PITPNC1: variants seen among roughly 807,000 people sequenced by gnomAD.
The protein encoded by PITPNC1 is phosphatidylinositol transfer protein cytoplasmic 1, also known as cytoplasmic phosphatidylinositol transfer protein 1.
Under a neutral mutation model 44.7 loss-of-function variants are expected in PITPNC1, and 18 were observed. That is an observed-to-expected ratio of 0.40 (90% CI 0.28 to 0.60). The LOEUF (loss-of-function observed/expected upper bound fraction) is 0.60. PITPNC1 is among the 20% of genes least tolerant of loss of function. PITPNC1 has a pLI of 0.39. For synonymous variants in PITPNC1, 141 were observed against 149.6 expected (o/e 0.94, Z 0.42); for missense variants, 290 against 418.4 (o/e 0.69, Z 2.68).
At chr17:67,496,229 T>C (rs570734245) in intron 1 of PITPNC1, among the ~76,000 whole-genome samples, 18 of 152,328 alleles carry the variant, frequency 1.2e-4, no homozygotes, top group Non-Finnish European at 2.4e-4. Context: ...TAACGAATGC[T>C]TCCGTGATGG....
intron 1 of PITPNC1, among the ~76,000 whole-genome samples, chr17:67,498,365 G>A (rs557189002): frequency 2.6e-5 from 4 of 152,068 alleles, no homozygotes; most frequent in East Asian, 1.9e-4. Flanking sequence ...AGGCCGAGGC[G>A]GGCAGATCAT....
chr17:67,436,070 G>T (rs1460394740), intron 1 of PITPNC1, among the ~76,000 whole-genome samples: 1 of 152,084 alleles, frequency 6.6e-6, no homozygotes, highest in Non-Finnish European at 1.5e-5. Context: ...ATAGCTCACT[G>T]CAGCCTCCAA....
At chr17:67,549,845 C>T (rs2040735201) in intron 2 of PITPNC1, among the ~76,000 whole-genome samples, 1 of 152,152 alleles carries the variant, frequency 6.6e-6, no homozygotes, top group South Asian at 2.1e-4. Flanking sequence ...CAATGCCTGG[C>T]TTACGTGAGG....
At chr17:67,527,256 T>C (rs1465783921) in intron 1 of PITPNC1, among the ~76,000 whole-genome samples, 3 of 152,164 alleles carry the variant, frequency 2.0e-5, no homozygotes, top group African/African-American at 4.8e-5. Context: ...AAATAAGGGC[T>C]GAAGTTGTGT....
At chr17:67,530,055 G>C (rs1439570123) in intron 1 of PITPNC1, among the ~76,000 whole-genome samples, 2 of 150,494 alleles carry the variant, frequency 1.3e-5, no homozygotes, top group African/African-American at 2.4e-5. Context: ...TGGGGTGAGG[G>C]AAGGATCCGG....
intron 6 of PITPNC1, among the ~76,000 whole-genome samples, chr17:67,646,588 C>G (rs2042152247): frequency 1.3e-5 from 2 of 152,116 alleles, no homozygotes; most frequent in African/African-American, 4.8e-5. Flanking sequence ...AGTGATGCAA[C>G]CACGGCTCAC....
intron 6 of PITPNC1, among the ~76,000 whole-genome samples, chr17:67,657,070 G>A (rs919890454): frequency 6.6e-5 from 10 of 152,080 alleles, no homozygotes; most frequent in African/African-American, 2.4e-4. Context: ...AGGAGGAGGG[G>A]GTAGAATGTG....
At chr17:67,440,449 C>A (rs2143919379) in intron 1 of PITPNC1, among the ~76,000 whole-genome samples, 1 of 152,110 alleles carries the variant, frequency 6.6e-6, no homozygotes, top group African/African-American at 2.4e-5. Context: ...AATTACTCAA[C>A]CTCTGTAACT....
chr17:67,418,686 G>A (rs962473220), intron 1 of PITPNC1, among the ~76,000 whole-genome samples: 3 of 151,868 alleles, frequency 2.0e-5, no homozygotes, highest in Non-Finnish European at 2.9e-5. Context: ...TCAGCCTCCC[G>A]AGTAGCTGGA....
chr17:67,478,557 A>G (rs567449229), intron 1 of PITPNC1, among the ~76,000 whole-genome samples: 2 of 152,096 alleles, frequency 1.3e-5, no homozygotes, highest in South Asian at 4.2e-4. Flanking sequence ...CTCTTTTCCA[A>G]GCTCCCCTCT....
intron 5 of PITPNC1, among the ~76,000 whole-genome samples, chr17:67,614,936 G>A (rs2050709895): frequency 6.6e-6 from 1 of 151,896 alleles, no homozygotes; most frequent in Non-Finnish European, 1.5e-5. Context: ...GAAGGCAAGA[G>A]TGGCGGGTTT....
chr17:67,578,002 C>T, intron 4 of PITPNC1, 184 bp from the exon 5 acceptor site: 1 of 645,386 alleles, frequency 1.5e-6, no homozygotes, highest in Non-Finnish European at 2.8e-6. Context: ...CTGGATGAAA[C>T]TGTGTTCATT....
intron 1 of PITPNC1, among the ~76,000 whole-genome samples, chr17:67,520,505 T>C (rs2040311266): frequency 6.6e-6 from 1 of 152,222 alleles, no homozygotes; most frequent in Non-Finnish European, 1.5e-5. Context: ...CTCTGATGAA[T>C]GCATCAGTTT....
intron 1 of PITPNC1, among the ~76,000 whole-genome samples, chr17:67,488,654 C>T (rs978014412): frequency 6.6e-6 from 1 of 152,172 alleles, no homozygotes; most frequent in African/African-American, 2.4e-5. Context: ...GCATTCCTAT[C>T]GTTGTACCAG....
chr17:67,491,647 C>T (rs1001894903), intron 1 of PITPNC1, among the ~76,000 whole-genome samples: 1 of 152,082 alleles, frequency 6.6e-6, no homozygotes, highest in Non-Finnish European at 1.5e-5. Flanking sequence ...AAGACCAGCT[C>T]CAGCAACATA....
At chr17:67,406,266 C>T (rs1212788224) in intron 1 of PITPNC1, among the ~76,000 whole-genome samples, 1 of 152,140 alleles carries the variant, frequency 6.6e-6, no homozygotes, top group Non-Finnish European at 1.5e-5. Context: ...CCTCAGCCTC[C>T]TGAGTAGCTG....
At chr17:67,680,117 A>G (rs2042675107) in intron 8 of PITPNC1, among the ~76,000 whole-genome samples, 1 of 152,176 alleles carries the variant, frequency 6.6e-6, no homozygotes, top group African/African-American at 2.4e-5. Flanking sequence ...TGGAGAAAGA[A>G]GCCTGCTAGG....
chr17:67,437,217 G>C (rs995359092), intron 1 of PITPNC1, among the ~76,000 whole-genome samples: 6 of 152,036 alleles, frequency 3.9e-5, no homozygotes, highest in African/African-American at 1.4e-4. Flanking sequence ...ACTGCACCTA[G>C]CCGGCAGTAG....
intron 1 of PITPNC1, among the ~76,000 whole-genome samples, chr17:67,428,171 T>A (rs1053878640): frequency 6.6e-6 from 1 of 152,076 alleles, no homozygotes; most frequent in Non-Finnish European, 1.5e-5. Flanking sequence ...AGTCTTCTAT[T>A]TAAATAATGC....
Sources: allele counts gnomAD v4.1 joint callset (sites outside exome capture counted in the v4.1 genomes callset), GRCh38; gene constraint gnomAD v4.1.1; transcripts MANE v1.5; gene names NCBI Gene and HGNC (gene_info 2026-07-23, HGNC 2026-07-21).